The following AEBP2 variants were observed in gnomAD, a reference collection of about 807,000 sequenced individuals.
AEBP2 encodes AE binding protein 2.
A neutral mutation model predicts 50.8 loss-of-function variants in AEBP2; 10 were observed. That is an observed-to-expected ratio of 0.20 (90% CI 0.12 to 0.33). The LOEUF (loss-of-function observed/expected upper bound fraction) is 0.33. Among genes scored for constraint, AEBP2 ranks in the 10% least tolerant of loss-of-function variants. AEBP2 has a pLI of 1.00. For missense variants in AEBP2, 570 were observed against 688.0 expected (o/e 0.83, Z 1.92); for synonymous variants, 296 against 261.3 (o/e 1.13, Z -1.28).
At chr12:19,477,315 G>A (rs952785966) in intron 3 of AEBP2, among the ~76,000 whole-genome samples, 1 of 152,042 alleles carries the variant, frequency 6.6e-6, no homozygotes, top group Non-Finnish European at 1.5e-5. Flanking sequence ...TGATTGCTCT[G>A]GCTAGGACTT....
chr12:19,465,043 C>G (rs1041415584), intron 2 of AEBP2, among the ~76,000 whole-genome samples: 2 of 151,950 alleles, frequency 1.3e-5, no homozygotes, highest in South Asian at 2.1e-4. Flanking sequence ...TTTCTTGAAC[C>G]CTTATTCAAA....
intron 6 of AEBP2, among the ~76,000 whole-genome samples, chr12:19,513,572 A>G (rs952837245): frequency 6.6e-6 from 1 of 152,176 alleles, no homozygotes; most frequent in Non-Finnish European, 1.5e-5. Context: ...CAGCCTGGGC[A>G]GTATAGTGAA....
chr12:19,450,034 C>A (rs982415631), intron 1 of AEBP2, among the ~76,000 whole-genome samples: 1 of 152,126 alleles, frequency 6.6e-6, no homozygotes. Context: ...AAAATAGGCA[C>A]TTGTCTTTAC....
chr12:19,477,708 G>A (rs908691321), intron 3 of AEBP2, among the ~76,000 whole-genome samples: 2 of 152,168 alleles, frequency 1.3e-5, no homozygotes, highest in African/African-American at 4.8e-5. Flanking sequence ...GAGGATGTTT[G>A]CATCTGTTAT....
Position 19,519,984 on chromosome 12 carries a change from T to C in AEBP2, c.*1867T>C, listed in dbSNP as rs984303942. On this transcript the variant is annotated 3_prime_UTR_variant, in exon 8 of 8. Transcript: ENST00000266508. Reference sequence around the variant, plus strand: ...GCAGTGTGTTTTCTTTTTTTGTTGTTTTCTTTTGCTTAAGCACTTCATCAA... The same window carrying C: ...GCAGTGTGTTTTCTTTTTTTGTTGTCTTCTTTTGCTTAAGCACTTCATCAA... 1 of 152,584 alleles carries C rather than the reference T, an allele frequency of 6.6e-6. No individual in the cohort carries two copies. The highest frequency in any genetic ancestry group is 1.5e-5 in the Non-Finnish European group (1 of 67,984). 9.5% of individuals were successfully genotyped at this position (152,584 alleles called of 1,614,324 possible).
At chr12:19,450,689 A>T (rs980953272) in intron 1 of AEBP2, among the ~76,000 whole-genome samples, 1 of 149,820 alleles carries the variant, frequency 6.7e-6, no homozygotes, top group African/African-American at 2.5e-5. Flanking sequence ...AAAGAAAAAA[A>T]AAAGACAGAT....
At chr12:19,419,208 C>T (rs2095744253) in intron 1 of AEBP2, 1 of 152,992 alleles carries the variant, frequency 6.5e-6, no homozygotes, top group African/African-American at 2.4e-5. Flanking sequence ...TCGTGGGTCC[C>T]CAGTTCCTGA....
chr12:19,474,521 G>GT (rs1222871079), intron 3 of AEBP2, among the ~76,000 whole-genome samples: 2 of 151,800 alleles, frequency 1.3e-5, no homozygotes, highest in African/African-American at 4.8e-5. Context: ...ATTATTATTT[G>GT]TTTCTTGTGA....
intron 2 of AEBP2, among the ~76,000 whole-genome samples, chr12:19,469,074 G>A (rs909427931): frequency 4.6e-5 from 7 of 152,156 alleles, no homozygotes; most frequent in African/African-American, 1.7e-4. Context: ...ACAGGCGTGT[G>A]TCATCACACC....
chr12:19,473,639 CAG>C (rs1948604833), intron 3 of AEBP2, among the ~76,000 whole-genome samples: 3 of 152,130 alleles, frequency 2.0e-5, no homozygotes, highest in African/African-American at 7.2e-5. Context: ...CTCTTGACCT[CAG>C]GTGATTCTCC....
At chr12:19,413,386 C>A in intron 1 of AEBP2, 1 of 1,044,238 alleles carries the variant, frequency 9.6e-7, no homozygotes, top group Non-Finnish European at 1.5e-6. Flanking sequence ...AGTAAGCCAA[C>A]AAACAGAAAA....
chr12:19,514,525 T>C (rs931901104), intron 6 of AEBP2, 146 bp from the exon 7 acceptor site: 17 of 559,026 alleles, frequency 3.0e-5, no homozygotes, highest in Non-Finnish European at 4.3e-5. Context: ...TTAAGGTTGA[T>C]AGCTGAGCTT....
Position 19,460,172 on chromosome 12 carries a change from G to A in AEBP2, c.672-2338G>A, listed in dbSNP as rs573477085. 1.1e-4 allele frequency among the ~76,000 whole-genome samples: 17 copies of A among 152,224 alleles called. No individual in the cohort carries two copies. In the East Asian group the frequency reaches 1.9e-3, roughly 17 times the overall value. On this transcript the variant is annotated intron_variant, in intron 1 of 7. Coordinates refer to ENST00000266508, the MANE Select transcript of AEBP2 (RefSeq NM_153207.5). ...TGCAATGAGCCGTGATAGCACCACC[G>A]CACTATAGGCTTGGCAACGGAGTGA...
chr12:19,487,513 T>G (rs1173873774), intron 3 of AEBP2, among the ~76,000 whole-genome samples: 1 of 151,954 alleles, frequency 6.6e-6, no homozygotes, highest in Non-Finnish European at 1.5e-5. Context: ...AGGTCAGGAG[T>G]TCGAGACCAG....
intron 1 of AEBP2, chr12:19,413,073 C>T (rs2095740332): frequency 3.6e-6 from 2 of 558,920 alleles, no homozygotes; most frequent in South Asian, 3.5e-5. Flanking sequence ...AGCACAGTCT[C>T]AGCTTTTGGA....
Position 19,462,663 on chromosome 12 carries a change from C to G in AEBP2, c.825C>G (p.Ser275Arg). 6.2e-7 allele frequency: 1 copy of G among 1,613,964 alleles called. No homozygotes were observed. The highest frequency in any genetic ancestry group is 8.5e-7 in the Non-Finnish European group (1 of 1,179,880). Residue 275 changes from serine to arginine, a missense_variant, in exon 2 of 8, where the codon AGC becomes AGG. Physicochemically the swap from Ser to Arg is moderately radical, Grantham distance 110. Coordinates refer to ENST00000266508, the MANE Select transcript of AEBP2 (RefSeq NM_153207.5). Reference sequence around the variant, plus strand: ...AGTGCCAGGCTTGCTTCAACTCTAGCCCAGATCTGGCAGATCACATCCGTT... The same window carrying G: ...AGTGCCAGGCTTGCTTCAACTCTAGGCCAGATCTGGCAGATCACATCCGTT... ...WDQCQACFNSSPDLADHIRSI... is the reference protein window; with the variant it reads ...WDQCQACFNSRPDLADHIRSI...
chr12:19,496,743 C>T (rs2120478493), intron 4 of AEBP2, among the ~76,000 whole-genome samples: 1 of 150,976 alleles, frequency 6.6e-6, no homozygotes, highest in East Asian at 2.0e-4. Flanking sequence ...CTCACTGCAG[C>T]CTCGACCTCC....
chr12:19,449,446 G>A (rs1005235636), intron 1 of AEBP2, among the ~76,000 whole-genome samples: 2 of 152,194 alleles, frequency 1.3e-5, no homozygotes, highest in African/African-American at 4.8e-5. Context: ...ATCTTAAAGG[G>A]TGATAGATTT....
rs71067027 is a variant in AEBP2, at chr12:19,481,092, CTTTTTTTTTTTTTTTT to C, written c.987+7748_987+7763del. ...TGTTATTGAAACTTTGCAGTGCATC[CTTTTTTTTTTTTTTTT>C]TTTTTTTTTTGAGACCGAGTCTCAC... On this transcript the variant is annotated intron_variant, in intron 3 of 7. Transcript: ENST00000266508. Among the ~76,000 whole-genome samples the C allele has an allele frequency of 5.4e-5, 4 of 74,050 alleles. 1 individual carries two copies. Among genetic ancestry groups the C allele is most frequent in the African/African-American group, 2.3e-4 (4 of 17,554 alleles). 48.6% of individuals were successfully genotyped at this position (74,050 alleles called of 152,430 possible). A position where few individuals can be genotyped will look rare whatever the true frequency, so the allele number is the denominator to read the frequency against.
Sources: gnomAD v4.1 joint callset for allele counts (sites outside exome capture counted in the v4.1 genomes callset) on GRCh38, gnomAD v4.1.1 for gene constraint, MANE v1.5 for transcripts, NCBI Gene and HGNC (gene_info 2026-07-23, HGNC 2026-07-21) for gene names.